PHACTR3: variants seen among roughly 807,000 people sequenced by gnomAD.
PHACTR3 encodes the protein phosphatase and actin regulator 3.
A neutral mutation model predicts 66.8 loss-of-function variants in PHACTR3; 16 were observed. That is an observed-to-expected ratio of 0.24 (90% confidence interval 0.16 to 0.36). The LOEUF (loss-of-function observed/expected upper bound fraction) is 0.36, where lower values mean the gene tolerates loss of function less well. Ranked by LOEUF, PHACTR3 falls within the 10% of genes least tolerant of loss-of-function variation. The pLI is 1.00. For missense variants in PHACTR3, 647 were observed against 719.9 expected, an observed-to-expected ratio of 0.90 and a Z score of 1.16; for synonymous variants, 323 against 292.1, an observed-to-expected ratio of 1.11 and a Z score of -1.08.
chr20:59,592,107 T>G (rs2033200598), intron 1 of PHACTR3, among the ~76,000 whole-genome samples: 1 of 152,100 alleles, frequency 6.6e-6, no homozygotes. Flanking sequence ...ATATTTCTAT[T>G]AACAGTGTAT....
At chr20:59,694,871 G>GGA (rs1827658540) in intron 1 of PHACTR3, among the ~76,000 whole-genome samples, 1 of 152,230 alleles carries the variant, frequency 6.6e-6, no homozygotes, top group Non-Finnish European at 1.5e-5. Flanking sequence ...AGAGGGTCAT[G>GGA]GAGAGAGAGA....
intron 1 of PHACTR3, among the ~76,000 whole-genome samples, chr20:59,590,598 A>T (rs577711265): frequency 6.6e-6 from 1 of 152,322 alleles, no homozygotes; most frequent in East Asian, 1.9e-4. Context: ...GGACAGATCC[A>T]CGCCAGCCCT....
chr20:59,763,831 G>A (rs981281711), intron 4 of PHACTR3, among the ~76,000 whole-genome samples: 10 of 152,130 alleles, frequency 6.6e-5, no homozygotes, highest in South Asian at 2.1e-4. Context: ...AGTATGTGTC[G>A]GGAAGCCAGA....
intron 7 of PHACTR3, among the ~76,000 whole-genome samples, chr20:59,796,926 T>C (rs184216470): frequency 6.6e-6 from 1 of 152,334 alleles, no homozygotes; most frequent in East Asian, 1.9e-4. Flanking sequence ...ACCTGTAGTT[T>C]TGTTAAATAA....
At chr20:59,754,654 C>T (rs1162491824) in intron 3 of PHACTR3, among the ~76,000 whole-genome samples, 4 of 152,248 alleles carry the variant, frequency 2.6e-5, no homozygotes, top group African/African-American at 4.8e-5. Context: ...CAGCAATCAC[C>T]GTTTGTTGTC....
chr20:59,597,734 G>C (rs900906650), intron 1 of PHACTR3, among the ~76,000 whole-genome samples: 1 of 152,224 alleles, frequency 6.6e-6, no homozygotes, highest in African/African-American at 2.4e-5. Context: ...GATCAGGAGG[G>C]AGACAGGTGC....
intron 1 of PHACTR3, among the ~76,000 whole-genome samples, chr20:59,699,379 C>T (rs2037412716): frequency 6.6e-6 from 1 of 152,052 alleles, no homozygotes. Context: ...CCTCATTTAC[C>T]CCTTGTGACT....
chr20:59,578,252 G>A (rs546494301), intron 1 of PHACTR3, among the ~76,000 whole-genome samples: 33 of 152,376 alleles, frequency 2.2e-4, no homozygotes, highest in African/African-American at 7.7e-4. Flanking sequence ...GTTGAGGACG[G>A]GGAGTGGCCT....
At chr20:59,845,550 G>A (rs867441203) in intron 12 of PHACTR3, among the ~76,000 whole-genome samples, 4 of 152,116 alleles carry the variant, frequency 2.6e-5, no homozygotes, top group African/African-American at 9.7e-5. Context: ...TAATTTTTCT[G>A]TGTATTTAAT....
chr20:59,752,002 A>G (rs1364332892), intron 3 of PHACTR3, among the ~76,000 whole-genome samples: 1 of 152,016 alleles, frequency 6.6e-6, no homozygotes, highest in African/African-American at 2.4e-5. Flanking sequence ...TTGACTTGGC[A>G]TTTTCTTAAA....
intron 5 of PHACTR3, among the ~76,000 whole-genome samples, chr20:59,771,121 G>T (rs6064838): frequency 0.078 from 11,932 of 152,286 alleles, 601 homozygotes; most frequent in South Asian, 0.15. Context: ...TGACAGTGGG[G>T]CAGAGACCTG....
chr20:59,671,476 A>G (rs538087705), intron 1 of PHACTR3, among the ~76,000 whole-genome samples: 18 of 152,352 alleles, frequency 1.2e-4, no homozygotes, highest in Middle Eastern at 3.4e-3. Flanking sequence ...ACCTGAGGTC[A>G]AAAACAGGTG....
chr20:59,598,051 T>C (rs1400273469), intron 1 of PHACTR3, among the ~76,000 whole-genome samples: 1 of 152,212 alleles, frequency 6.6e-6, no homozygotes, highest in Non-Finnish European at 1.5e-5. Context: ...TGGAGGTCTA[T>C]AGCTTTGTGC....
At chr20:59,675,821 C>T (rs1373413234) in intron 1 of PHACTR3, among the ~76,000 whole-genome samples, 1 of 152,182 alleles carries the variant, frequency 6.6e-6, no homozygotes, top group Non-Finnish European at 1.5e-5. Flanking sequence ...CTGCACCAGG[C>T]CCCTCCCCAG....
intron 8 of PHACTR3, among the ~76,000 whole-genome samples, chr20:59,809,927 T>G (rs1191868934): frequency 4.6e-5 from 7 of 152,226 alleles, no homozygotes; most frequent in Admixed American, 4.6e-4. Flanking sequence ...TCGCACTATT[T>G]GTACCGTGTT....
upstream of PHACTR3, among the ~76,000 whole-genome samples, chr20:59,600,038 G>T (rs2033428667): frequency 6.6e-6 from 1 of 152,186 alleles, no homozygotes; most frequent in Non-Finnish European, 1.5e-5. Context: ...CATGGTCTGG[G>T]TCATCCCCTC....
At chr20:59,624,229 A>G (rs1164013881) in intron 1 of PHACTR3, among the ~76,000 whole-genome samples, 1 of 152,156 alleles carries the variant, frequency 6.6e-6, no homozygotes, top group Non-Finnish European at 1.5e-5. Flanking sequence ...AGCCAAGTAC[A>G]GCATGCACCA....
rs1286538342 is a variant in PHACTR3, at chr20:59,836,707, G to A, written c.1384+147G>A. ...CCTGAGCTGCTGCTGAATTCTGAAAGCAAGCCCCAAAGGAAAGCTGATATA... is the reference window on the plus strand; with the variant it reads ...CCTGAGCTGCTGCTGAATTCTGAAAACAAGCCCCAAAGGAAAGCTGATATA... On this transcript the variant is annotated intron_variant, in intron 9 of 12. Transcript: ENST00000371015. The A allele has an allele frequency of 5.4e-6, 4 of 738,038 alleles. No individual in the cohort carries two copies. The African/African-American group carries it at 7.5e-5, about 14-fold the overall frequency. 45.7% of individuals were successfully genotyped at this position (738,038 alleles called of 1,614,324 possible).
intron 1 of PHACTR3, among the ~76,000 whole-genome samples, chr20:59,679,790 T>C (rs992365492): frequency 6.6e-6 from 1 of 152,046 alleles, no homozygotes; most frequent in Non-Finnish European, 1.5e-5. Context: ...TATAAAACCG[T>C]CAGATCTCAT....
Sources: gnomAD v4.1 joint callset for allele counts (sites outside exome capture counted in the v4.1 genomes callset) on GRCh38, gnomAD v4.1.1 for gene constraint, MANE v1.5 for transcripts, NCBI Gene and HGNC (gene_info 2026-07-23, HGNC 2026-07-21) for gene names.